Variants in TENM3 observed in about 807,000 individuals in gnomAD.
The protein encoded by TENM3 is teneurin transmembrane protein 3.
A neutral mutation model predicts 255.1 loss-of-function variants in TENM3; 63 were observed. The observed-to-expected ratio is 0.25, with a 90% CI of 0.20 to 0.30. The LOEUF (loss-of-function observed/expected upper bound fraction) is 0.30. Ranked by LOEUF, TENM3 falls within the 10% of genes least tolerant of loss-of-function variation. The pLI, the probability that TENM3 is intolerant of heterozygous loss-of-function variation, is 1.00. For missense variants in TENM3, 2,929 were observed against 3,461.1 expected, an observed-to-expected ratio of 0.85 and a Z score of 3.86; for synonymous variants, 1,306 against 1,322.3, an observed-to-expected ratio of 0.99 and a Z score of 0.27.
chr4:182,759,595 AAAT>A (rs1450309705), intron 22 of TENM3, among the ~76,000 whole-genome samples: 1 of 152,238 alleles, frequency 6.6e-6, no homozygotes, highest in Non-Finnish European at 1.5e-5. Context: ...TAATTAAACA[AAAT>A]AATAACTTCC....
At chr4:182,053,921 G>A in the TENM3 span, among the ~76,000 whole-genome samples, 87,832 of 151,912 alleles carry the variant, frequency 0.58, 30,103 homozygotes, top group South Asian at 0.76. Context: ...TCAAAAGATC[G>A]TAGCTTTGAC....
At chr4:182,433,825 T>C (rs1273286081) in intron 3 of TENM3, among the ~76,000 whole-genome samples, 8 of 152,122 alleles carry the variant, frequency 5.3e-5, no homozygotes, top group Non-Finnish European at 1.2e-4. Flanking sequence ...GGAGAGTCAT[T>C]TTGATGGCTG....
the TENM3 span, among the ~76,000 whole-genome samples, chr4:182,067,593 G>T: frequency 2.0e-5 from 3 of 152,160 alleles, no homozygotes; most frequent in African/African-American, 7.2e-5. Context: ...AGCTGCAAAG[G>T]ATAGAGGAAA....
At chr4:182,152,494 A>G (rs1317857104) in intron 1 of TENM3, among the ~76,000 whole-genome samples, 1 of 151,866 alleles carries the variant, frequency 6.6e-6, no homozygotes, top group Non-Finnish European at 1.5e-5. Context: ...AGAATACCCT[A>G]TCATGTTTTT....
chr4:181,533,133 G>T, the TENM3 span, among the ~76,000 whole-genome samples: 1 of 152,112 alleles, frequency 6.6e-6, no homozygotes, highest in East Asian at 1.9e-4. Flanking sequence ...ATTAGGGCAG[G>T]ACCGGGAGGG....
the TENM3 span, among the ~76,000 whole-genome samples, chr4:181,617,591 G>T: frequency 2.0e-5 from 3 of 152,182 alleles, no homozygotes; most frequent in Non-Finnish European, 4.4e-5. Context: ...CAGGGACTTT[G>T]TCTACCATGG....
At chr4:182,704,380 TG>T (rs1334111424) in intron 12 of TENM3, among the ~76,000 whole-genome samples, 1 of 152,314 alleles carries the variant, frequency 6.6e-6, no homozygotes, top group East Asian at 1.9e-4. Flanking sequence ...ATGTAGTCCA[TG>T]GTCAGGCATG....
intron 1 of TENM3, among the ~76,000 whole-genome samples, chr4:182,203,779 C>T (rs1429422661): frequency 2.0e-5 from 3 of 152,160 alleles, no homozygotes; most frequent in African/African-American, 7.2e-5. Flanking sequence ...GGCACAGCCT[C>T]ACAACCCTTC....
chr4:181,469,090 A>G, the TENM3 span, among the ~76,000 whole-genome samples: 1 of 152,136 alleles, frequency 6.6e-6, no homozygotes, highest in Non-Finnish European at 1.5e-5. Flanking sequence ...TTTTTGATCG[A>G]GTGGCTTTAT....
At chr4:181,598,384 A>C in the TENM3 span, among the ~76,000 whole-genome samples, 1 of 152,174 alleles carries the variant, frequency 6.6e-6, no homozygotes. Flanking sequence ...ACAGTGGTTG[A>C]CCACCTTCCT....
At chr4:181,898,717 G>A in the TENM3 span, among the ~76,000 whole-genome samples, 2 of 152,024 alleles carry the variant, frequency 1.3e-5, no homozygotes, top group Non-Finnish European at 2.9e-5. Flanking sequence ...ATTCTTTGTG[G>A]TAAATACCTC....
intron 3 of TENM3, among the ~76,000 whole-genome samples, chr4:182,551,318 T>C (rs1316762962): frequency 6.6e-6 from 1 of 151,908 alleles, no homozygotes; most frequent in Non-Finnish European, 1.5e-5. Context: ...CCCAGAGCTC[T>C]CAGCTAAAAT....
the TENM3 span, among the ~76,000 whole-genome samples, chr4:181,517,343 A>C: frequency 2.6e-5 from 4 of 152,154 alleles, no homozygotes; most frequent in African/African-American, 9.7e-5. Context: ...ATCTTTTCCA[A>C]AGTCAAATAA....
chr4:182,064,263 T>G, the TENM3 span, among the ~76,000 whole-genome samples: 1 of 151,910 alleles, frequency 6.6e-6, no homozygotes, highest in African/African-American at 2.4e-5. Flanking sequence ...TAAAAAGTTG[T>G]GGATGACCCC....
chr4:181,935,416 A>G, the TENM3 span, among the ~76,000 whole-genome samples: 1 of 152,262 alleles, frequency 6.6e-6, no homozygotes, highest in African/African-American at 2.4e-5. Flanking sequence ...CTTCTTTTGC[A>G]GAAACTCTCA....
chr4:182,719,772 G>A (rs1195873866), intron 13 of TENM3, among the ~76,000 whole-genome samples: 1 of 152,086 alleles, frequency 6.6e-6, no homozygotes, highest in Non-Finnish European at 1.5e-5. Context: ...AATTCGAACT[G>A]CAAGAAAGCT....
chr4:182,544,856 C>G (rs1285766049), intron 3 of TENM3, among the ~76,000 whole-genome samples: 1 of 152,204 alleles, frequency 6.6e-6, no homozygotes, highest in Non-Finnish European at 1.5e-5. Context: ...TAACACATAA[C>G]TAGTCTTCAT....
chr4:182,242,286 C>T (rs533384911), upstream of TENM3, among the ~76,000 whole-genome samples: 1 of 152,134 alleles, frequency 6.6e-6, no homozygotes, highest in South Asian at 2.1e-4. Flanking sequence ...TCAGTTCCCA[C>T]CTATGAGTGA....
At chr4:181,781,345 G>A in the TENM3 span, among the ~76,000 whole-genome samples, 1 of 152,116 alleles carries the variant, frequency 6.6e-6, no homozygotes, top group African/African-American at 2.4e-5. Flanking sequence ...CACATCCCTT[G>A]TAAGTTGGAT....
Sources: allele counts gnomAD v4.1 joint callset (sites outside exome capture counted in the v4.1 genomes callset), GRCh38; gene constraint gnomAD v4.1.1; transcripts MANE v1.5; gene names NCBI Gene and HGNC (gene_info 2026-07-23, HGNC 2026-07-21).